CIT: variants seen among roughly 807,000 people sequenced by gnomAD.
CIT encodes the protein citron rho-interacting serine/threonine kinase.
In CIT, 79 loss-of-function variants were observed where a neutral mutation model predicts 272.7. The ratio of observed to expected loss-of-function variants is 0.29; its 90% CI spans 0.24 to 0.35. The LOEUF (loss-of-function observed/expected upper bound fraction) is 0.35, where lower values mean the gene tolerates loss of function less well. CIT is among the 10% of genes least tolerant of loss of function. CIT has a pLI of 1.00. For synonymous variants in CIT, 948 were observed against 995.6 expected (o/e 0.95, Z 0.90); for missense variants, 1,909 against 2,618.3 (o/e 0.73, Z 5.91).
chr12:119,858,814 T>C (rs1163284060), intron 3 of CIT, among the ~76,000 whole-genome samples: 3 of 149,384 alleles, frequency 2.0e-5, no homozygotes, highest in Non-Finnish European at 3.0e-5. Flanking sequence ...AGAGCGAGAC[T>C]CCATCTCAAA....
chr12:119,711,054 C>A (rs751935300), intron 37 of CIT: 2 of 1,367,102 alleles, frequency 1.5e-6, no homozygotes, highest in East Asian at 4.5e-5. Context: ...TTTACCTGAA[C>A]CCAGGCAGGC....
At chr12:119,738,713 G>A (rs749729588) in intron 24 of CIT, among the ~76,000 whole-genome samples, 14 of 152,054 alleles carry the variant, frequency 9.2e-5, no homozygotes, top group South Asian at 6.2e-4. Context: ...GAGAAATCCC[G>A]TCTCTACTAA....
intron 23 of CIT, 92 bp from the exon 24 acceptor site, chr12:119,742,556 G>T: frequency 1.1e-6 from 1 of 897,914 alleles, no homozygotes; most frequent in East Asian, 2.6e-5. Flanking sequence ...CAATTTGCCT[G>T]GAAAGCCGAG....
intron 46 of CIT, among the ~76,000 whole-genome samples, chr12:119,696,409 T>C (rs980941598): frequency 6.6e-6 from 1 of 152,212 alleles, no homozygotes; most frequent in Non-Finnish European, 1.5e-5. Context: ...CTCAGAGGGC[T>C]AGGGTTAATT....
intron 5 of CIT, among the ~76,000 whole-genome samples, chr12:119,838,966 G>A (rs1969214224): frequency 6.6e-6 from 1 of 152,238 alleles, no homozygotes; most frequent in South Asian, 2.1e-4. Flanking sequence ...CCCCGCTGAT[G>A]GCAGAGAAAG....
rs1427255990 is a variant in CIT at position 119,822,989 on chromosome 12, T to C, written c.958-16A>G. ...TCAAAAACCGCTGTTCCAAAAAAAA[T>C]AAGAGAATTATTTCCTTAGTAGGGA... On this transcript the variant is annotated splice_polypyrimidine_tract_variant and intron_variant, in intron 8 of 47. Transcript: ENST00000392521. 1.9e-6 allele frequency: 3 copies of C among 1,597,470 alleles called. No individual in the cohort carries two copies. In the African/African-American group the frequency reaches 4.1e-5, roughly 22 times the overall value.
In CIT at chr12:119,735,062, A is replaced by G. The variant is rs937971765; in HGVS notation, c.3156+98T>C. On this transcript the variant is annotated intron_variant, in intron 25 of 47. Coordinates refer to ENST00000392521, the MANE Select transcript of CIT (RefSeq NM_001206999.2). ...TTAAAAAGAGCCCAATTACTGTATGAGGTTCAGTGTTGGAACCCTTGGGAG... is the reference window on the plus strand; with the variant it reads ...TTAAAAAGAGCCCAATTACTGTATGGGGTTCAGTGTTGGAACCCTTGGGAG... 5.6e-6 allele frequency: 6 copies of G among 1,068,240 alleles called. No homozygotes were observed. In the African/African-American group the frequency reaches 6.3e-5, roughly 11 times the overall value. The allele number at this position is 1,068,240 out of a possible 1,614,324, so 66.2% of individuals were successfully genotyped here.
At chr12:119,861,992 GGTTTGTTT>G (rs112710769) in intron 3 of CIT, among the ~76,000 whole-genome samples, 5 of 151,862 alleles carry the variant, frequency 3.3e-5, no homozygotes, top group East Asian at 1.9e-4. Flanking sequence ...TTGGTTAGTT[GGTTTGTTT>G]GTTTGTTTGT....
rs1355773142 is a variant in CIT at position 119,784,600 on chromosome 12, T to C, written c.1401+360A>G. 5.9e-6 allele frequency: 7 copies of C among 1,180,738 alleles called. No individual in the cohort carries two copies. The highest frequency in any genetic ancestry group is 6.3e-6 in the Non-Finnish European group (6 of 947,648). The allele number at this position is 1,180,738 out of a possible 1,614,324, so 73.1% of individuals were successfully genotyped here. A position where few individuals can be genotyped will look rare whatever the true frequency, so the allele number is the denominator to read the frequency against. On this transcript the variant is annotated intron_variant, in intron 11 of 47. Transcript: ENST00000392521. This position sits in a 1 kb window ranked among gnomAD's most constrained non-coding sequence, Gnocchi z 4.7. ...GGCCGCAGTGACATAAGCAGGAGTT[T>C]TAAAAGACTAGGAAGAGAGACTTCG...
At chr12:119,786,933 G>A (rs528046183) in intron 10 of CIT, among the ~76,000 whole-genome samples, 10 of 152,092 alleles carry the variant, frequency 6.6e-5, no homozygotes, top group Non-Finnish European at 1.3e-4. Context: ...ACGGGCCTGG[G>A]CAACACAGCA....
At position 119,833,180 on chromosome 12, in the gene CIT, T is replaced by C. The variant is rs149029085; in HGVS notation, c.660-316A>G. Among the ~76,000 whole-genome samples, 92 of 152,238 alleles carry C rather than the reference T, an allele frequency of 6.0e-4. 1 individual carries two copies. Among genetic ancestry groups the C allele is most frequent in the East Asian group, 1.9e-3 (10 of 5,178 alleles). Reference sequence around the variant, plus strand: ...GGATTATTTCTCCTAGAGACACACATTTCACATGAGGAAAACTAAGGCCAA... The same window carrying C: ...GGATTATTTCTCCTAGAGACACACACTTCACATGAGGAAAACTAAGGCCAA... On this transcript the variant is annotated intron_variant, in intron 6 of 47. Transcript: ENST00000392521.
chr12:119,710,205 G>C lies in CIT; in HGVS notation c.5071+46C>G, dbSNP rs372914649. On this transcript the variant is annotated intron_variant, in intron 39 of 47. Transcript: ENST00000392521. This position sits in a 1 kb window ranked among gnomAD's most constrained non-coding sequence, Gnocchi z 5.6. The stretch of plus-strand genomic sequence containing the variant: ...CATGAAACGTGGCTTCAACATATTG[G>C]CTCCCTTGAAAGTAAAGAAAAAACA... 1.9e-6 allele frequency: 3 copies of C among 1,594,206 alleles called. No homozygotes were observed. Among genetic ancestry groups the C allele is most frequent in the Non-Finnish European group, 2.6e-6 (3 of 1,171,976 alleles).
chr12:119,755,049 ATAAAAGT>A (rs1960761984), intron 22 of CIT, among the ~76,000 whole-genome samples: 2 of 152,350 alleles, frequency 1.3e-5, no homozygotes, highest in South Asian at 4.1e-4. Context: ...AGCCTGGATG[ATAAAAGT>A]TAAACCATCG....
rs1418216692 is a variant in CIT at position 119,783,947 on chromosome 12, G to A, written c.1506C>T (p.Leu502=). Reference sequence around the variant, plus strand: ...TGTAGGTAGCAAGGTCCTGCTCCAGGAGGGATCTCTGAGTCTCAGAGGCCT... The same window carrying A: ...TGTAGGTAGCAAGGTCCTGCTCCAGAAGGGATCTCTGAGTCTCAGAGGCCT... ...ELKASETQRS[L]LEQDLATYIT... Residue 502 remains leucine (L), a synonymous_variant, in exon 12 of 48, where the codon CTC becomes CTT. Transcript: ENST00000392521. 1.1e-5 allele frequency: 17 copies of A among 1,611,722 alleles called. No homozygotes were observed. The highest frequency in any genetic ancestry group is 1.4e-5 in the Non-Finnish European group (16 of 1,178,822).
chr12:119,742,123 C>T (rs1233123291), intron 24 of CIT, among the ~76,000 whole-genome samples: 3 of 152,096 alleles, frequency 2.0e-5, no homozygotes, highest in Admixed American at 1.3e-4. Flanking sequence ...ATTTTTGTTG[C>T]GGCTGCTGAA....
At chr12:119,861,577 A>T (rs896572457) in intron 3 of CIT, among the ~76,000 whole-genome samples, 6 of 151,976 alleles carry the variant, frequency 3.9e-5, no homozygotes, top group African/African-American at 1.4e-4. Flanking sequence ...ACAAGAGCGA[A>T]ACTCCATCTC....
At chr12:119,835,087 A>G (rs1566106491) in intron 5 of CIT, among the ~76,000 whole-genome samples, 2 of 152,236 alleles carry the variant, frequency 1.3e-5, no homozygotes, top group Admixed American at 1.3e-4. Context: ...AAGAATATGA[A>G]GCCTCAAGTA....
At chr12:119,776,992 C>A in intron 13 of CIT, 150 bp from the exon 14 acceptor site, 1 of 817,950 alleles carries the variant, frequency 1.2e-6, no homozygotes, top group Non-Finnish European at 1.9e-6. Context: ...CAGTGGCTCA[C>A]GCCTGTAATC....
chr12:119,788,593 G>C lies in CIT; in HGVS notation c.1296-3528C>G, dbSNP rs374879. 8.3e-3 allele frequency among the ~76,000 whole-genome samples: 1,267 copies of C among 152,284 alleles called. 19 individuals are homozygous for C. The highest frequency in any genetic ancestry group is 0.029 in the African/African-American group (1,202 of 41,548). On this transcript the variant is annotated intron_variant, in intron 10 of 47. Transcript: ENST00000392521. ...TGAAAAACTTAATGACACATAGAAG[G>C]CTGGCCCCAGTAGGGCTTCCTGTTT...
Sources: gnomAD v4.1 joint callset for allele counts (sites outside exome capture counted in the v4.1 genomes callset) on GRCh38, gnomAD v4.1.1 for gene constraint, Gnocchi (gnomAD v3.1) non-coding constraint, MANE v1.5 for transcripts, NCBI Gene and HGNC (gene_info 2026-07-23, HGNC 2026-07-21) for gene names.